NDNF: variants seen among roughly 807,000 people sequenced by gnomAD.
NDNF encodes neuron derived neurotrophic factor, also known as protein NDNF.
Under a neutral mutation model 42.0 loss-of-function variants are expected in NDNF, and 16 were observed. That is an observed-to-expected ratio of 0.38 (90% CI 0.26 to 0.58). The LOEUF (loss-of-function observed/expected upper bound fraction) is 0.58. Ranked by LOEUF, NDNF falls within the 20% of genes least tolerant of loss-of-function variation. The pLI is 0.67. For missense variants in NDNF, 616 were observed against 666.2 expected (o/e 0.92, Z 0.83); for synonymous variants, 248 against 251.7 (o/e 0.99, Z 0.14).
Position 121,036,323 on chromosome 4 carries a change from G to T in NDNF, c.1648C>A (p.His550Asn). ...TGATACTTTACAGAGTGCCCCCCAT[G>T]TCCTATGACATAAACATCCAGCAGG... ...SYLLDVYVIG[H>N]GGHSVKYQSK... The change falls in exon 4 of 4, where the codon CAT (histidine) becomes AAT (asparagine). Residue 550 changes from histidine (H) to asparagine (N), a missense_variant. Transcript: ENST00000379692. 3 of 1,614,062 alleles carry T rather than the reference G, an allele frequency of 1.9e-6. No homozygotes were observed. Among genetic ancestry groups the T allele is most frequent in the Non-Finnish European group, 2.5e-6 (3 of 1,179,988 alleles).
intron 1 of NDNF, among the ~76,000 whole-genome samples, chr4:121,069,569 G>A (rs569847665): frequency 1.3e-5 from 2 of 152,222 alleles, no homozygotes; most frequent in Middle Eastern, 3.4e-3. Context: ...GCCACACTAA[G>A]CCTAAGTCTT....
intron 3 of NDNF, among the ~76,000 whole-genome samples, chr4:121,039,305 T>G (rs2148763214): frequency 6.7e-6 from 1 of 148,820 alleles, no homozygotes; most frequent in Non-Finnish European, 1.5e-5. Context: ...TAACCTATGA[T>G]GCCCTTAAAG....
chr4:121,061,876 T>C (rs1314357654), intron 1 of NDNF, among the ~76,000 whole-genome samples: 1 of 152,330 alleles, frequency 6.6e-6, no homozygotes, highest in Admixed American at 6.5e-5. Context: ...GTACTTTGAG[T>C]GAGCCTCTTA....
rs1378624499 is a variant in NDNF at position 121,036,933 on chromosome 4, T to C, written c.1038A>G (p.Lys346=). 1.2e-6 allele frequency: 2 copies of C among 1,613,978 alleles called. No individual in the cohort carries two copies. Among genetic ancestry groups the C allele is most frequent in the Admixed American group, 1.7e-5 (1 of 59,990 alleles). The change falls in exon 4 of 4, where the codon AAA becomes AAG. Residue 346 remains lysine (K), a synonymous_variant. Coordinates refer to ENST00000379692, the MANE Select transcript of NDNF (RefSeq NM_024574.4). ...EEAKQKTVEL[K]DGKITDVFVK... is the part of the protein sequence containing the mutation. Reference sequence around the variant, plus strand: ...CAAATACATCTGTTATCTTCCCATCTTTTAGCTCGACTGTCTTCTGTTTGG... The same window carrying C: ...CAAATACATCTGTTATCTTCCCATCCTTTAGCTCGACTGTCTTCTGTTTGG...
At position 121,041,517 on chromosome 4, in the gene NDNF, C is replaced by T. The variant is rs113523832; in HGVS notation, c.189-1463G>A. 5.8e-4 allele frequency among the ~76,000 whole-genome samples: 88 copies of T among 152,318 alleles called. 1 individual carries two copies. Among genetic ancestry groups the T allele is most frequent in the South Asian group, 3.9e-3 (19 of 4,824 alleles). ...CTTGAACGTCTCTTTTCTACCTATG[C>T]TCACTCCCTGTGTGACCTCATCCAG... is the stretch of plus-strand genomic sequence containing the variant. On this transcript the variant is annotated intron_variant, in intron 2 of 3. Transcript: ENST00000379692.
At chr4:121,055,471 C>G (rs760944024) in intron 1 of NDNF, among the ~76,000 whole-genome samples, 1 of 152,110 alleles carries the variant, frequency 6.6e-6, no homozygotes, top group Non-Finnish European at 1.5e-5. Flanking sequence ...AAATGACAAA[C>G]AGAAAGTACT....
intron 1 of NDNF, among the ~76,000 whole-genome samples, chr4:121,055,298 T>G (rs17432528): frequency 6.6e-6 from 1 of 152,138 alleles, no homozygotes; most frequent in Non-Finnish European, 1.5e-5. Context: ...ATGGTAGAGA[T>G]GGTGGTTTTT....
At chr4:121,044,161 G>A (rs1359680080) in intron 2 of NDNF, among the ~76,000 whole-genome samples, 2 of 152,160 alleles carry the variant, frequency 1.3e-5, no homozygotes, top group Non-Finnish European at 2.9e-5. Flanking sequence ...AGTTAATGTA[G>A]GAAAACTGAT....
At chr4:121,043,654 T>C (rs984459557) in intron 2 of NDNF, among the ~76,000 whole-genome samples, 1 of 152,318 alleles carries the variant, frequency 6.6e-6, no homozygotes, top group Admixed American at 6.5e-5. Context: ...ACTTATTTAA[T>C]TTTTAAGAAA....
At chr4:121,057,869 C>T (rs1206028676) in intron 1 of NDNF, among the ~76,000 whole-genome samples, 1 of 152,196 alleles carries the variant, frequency 6.6e-6, no homozygotes, top group Non-Finnish European at 1.5e-5. Flanking sequence ...TGAGCTCTCC[C>T]TGTACACTGT....
chr4:121,048,841 GA>G (rs923652214), intron 1 of NDNF, among the ~76,000 whole-genome samples: 2 of 150,380 alleles, frequency 1.3e-5, no homozygotes, highest in South Asian at 2.1e-4. Flanking sequence ...CTCAAAAAAA[GA>G]AAAAAAAATC....
intron 1 of NDNF, among the ~76,000 whole-genome samples, chr4:121,069,949 T>C (rs1727561657): frequency 6.6e-6 from 1 of 152,202 alleles, no homozygotes; most frequent in Non-Finnish European, 1.5e-5. Flanking sequence ...ATTAATTATG[T>C]TGCCAAGTTT....
rs1161727587 is a variant in NDNF, at chr4:121,048,204, G to A, written c.-1-2366C>T. ...AACTTGCCTTGTGAGAACAGACGAG[G>A]CCAAATAAAGAAGAAAATCTCTTTA... is the stretch of plus-strand genomic sequence containing the variant. On this transcript the variant is annotated intron_variant, in intron 1 of 3. Coordinates refer to ENST00000379692, the MANE Select transcript of NDNF (RefSeq NM_024574.4). Among the ~76,000 whole-genome samples, 5 of 152,166 alleles carry A rather than the reference G, an allele frequency of 3.3e-5. No individual in the cohort carries two copies. The East Asian group carries it at 9.6e-4, about 29-fold the overall frequency.
chr4:121,070,549 T>C (rs1216954340), intron 1 of NDNF, among the ~76,000 whole-genome samples: 2 of 151,400 alleles, frequency 1.3e-5, no homozygotes, highest in Non-Finnish European at 2.9e-5. Flanking sequence ...AGAAAAAGGG[T>C]TCAGGAAGCG....
At chr4:121,067,129 C>G (rs1487442494) in intron 1 of NDNF, among the ~76,000 whole-genome samples, 1 of 152,170 alleles carries the variant, frequency 6.6e-6, no homozygotes, top group South Asian at 2.1e-4. Flanking sequence ...TTCCCAATCA[C>G]GCGTAATCAT....
At chr4:121,042,977 C>T (rs1469114394) in intron 2 of NDNF, among the ~76,000 whole-genome samples, 1 of 152,064 alleles carries the variant, frequency 6.6e-6, no homozygotes, top group Non-Finnish European at 1.5e-5. Flanking sequence ...AGCAGGGAGA[C>T]CCTCTAAGTT....
At chr4:121,070,849 C>A (rs1287945102) in intron 1 of NDNF, among the ~76,000 whole-genome samples, 5 of 152,142 alleles carry the variant, frequency 3.3e-5, no homozygotes, top group Non-Finnish European at 5.9e-5. Flanking sequence ...AAATGGACAG[C>A]GCCCCGAAGG....
chr4:121,045,555 T>A, intron 2 of NDNF, 95 bp downstream of exon 2: 1 of 1,074,936 alleles, frequency 9.3e-7, no homozygotes, highest in Non-Finnish European at 1.4e-6. Flanking sequence ...ATAGGTTGAT[T>A]TGTAAATTAC....
chr4:121,055,827 C>A (rs560525497), intron 1 of NDNF, among the ~76,000 whole-genome samples: 1 of 151,776 alleles, frequency 6.6e-6, no homozygotes, highest in African/African-American at 2.4e-5. Flanking sequence ...ACACACGCAC[C>A]CCAGAAGTTG....
Sources: gnomAD v4.1 joint callset for allele counts (sites outside exome capture counted in the v4.1 genomes callset) on GRCh38, gnomAD v4.1.1 for gene constraint, MANE v1.5 for transcripts, NCBI Gene and HGNC (gene_info 2026-07-23, HGNC 2026-07-21) for gene names.